TPH1: variants seen among roughly 807,000 people sequenced by gnomAD.
The protein encoded by TPH1 is tryptophan hydroxylase 1.
TPH1 carries 37 observed loss-of-function variants against 49.5 expected under a neutral mutation model. The observed-to-expected ratio is 0.75, with a 90% CI of 0.58 to 0.98. The LOEUF is 0.98. Ranked by LOEUF, TPH1 falls within the 50% of genes least tolerant of loss-of-function variation. TPH1 has a pLI of 0.00. For missense variants in TPH1, 487 were observed against 523.6 expected (o/e 0.93, Z 0.68); for synonymous variants, 160 against 182.1 (o/e 0.88, Z 0.98).
rs1848093718 is a variant in TPH1 at position 18,040,874 on chromosome 11, T to C, written c.-26-86A>G. Reference sequence around the variant, plus strand: ...TGATAACTAAGGGCTCATTTACTTCTAGGAGCTTCAGTTTCTTAACCTTTT... The same window carrying C: ...TGATAACTAAGGGCTCATTTACTTCCAGGAGCTTCAGTTTCTTAACCTTTT... On this transcript the variant is annotated intron_variant, in intron 1 of 10. Coordinates refer to ENST00000682019, the MANE Select transcript of TPH1 (RefSeq NM_004179.3). 1.2e-5 allele frequency: 15 copies of C among 1,283,212 alleles called. No individual in the cohort carries two copies. The Middle Eastern group carries it at 1.6e-3, about 138-fold the overall frequency. The allele number at this position is 1,283,212 out of a possible 1,614,324, so 79.5% of individuals were successfully genotyped here.
intron 1 of TPH1, among the ~76,000 whole-genome samples, 112 bp downstream of exon 1, chr11:18,046,129 A>T (rs1388517736): frequency 2.0e-5 from 3 of 152,182 alleles, no homozygotes; most frequent in African/African-American, 7.2e-5. Flanking sequence ...ACTCCGCAAG[A>T]CCACCAATTT....
At chr11:18,039,948 T>G (rs976649596) in intron 2 of TPH1, among the ~76,000 whole-genome samples, 9 of 151,994 alleles carry the variant, frequency 5.9e-5, no homozygotes, top group African/African-American at 2.2e-4. Context: ...CAAAGGTGCA[T>G]TGGAGGGTAA....
intron 10 of TPH1, 65 bp from the exon 11 acceptor site, chr11:18,021,230 C>T (rs1289288576): frequency 2.0e-6 from 3 of 1,501,290 alleles, no homozygotes; most frequent in Non-Finnish European, 2.8e-6. Flanking sequence ...ACTAAACAAA[C>T]AACAGAATAT....
intron 8 of TPH1, 144 bp downstream of exon 8, chr11:18,025,431 A>C: frequency 2.1e-6 from 2 of 972,412 alleles, no homozygotes; most frequent in East Asian, 4.9e-5. Flanking sequence ...CCCAGGCTGG[A>C]GTGCAGTGGC....
intron 1 of TPH1, among the ~76,000 whole-genome samples, chr11:18,045,231 G>C (rs1423884546): frequency 6.6e-6 from 1 of 152,206 alleles, no homozygotes; most frequent in East Asian, 1.9e-4. Flanking sequence ...CCTCTACGGA[G>C]TCTTGATTTT....
intron 1 of TPH1, among the ~76,000 whole-genome samples, chr11:18,043,687 GAAC>G (rs1218749118): frequency 2.6e-5 from 4 of 151,998 alleles, no homozygotes; most frequent in South Asian, 2.1e-4. Flanking sequence ...GATGCTGTAT[GAAC>G]AACAACAACA....
chr11:18,037,266 G>T (rs1277314866), intron 2 of TPH1, among the ~76,000 whole-genome samples: 1 of 152,012 alleles, frequency 6.6e-6, no homozygotes, highest in African/African-American at 2.4e-5. Context: ...ACTGAGGTGG[G>T]AGGGTCACTT....
intron 6 of TPH1, among the ~76,000 whole-genome samples, chr11:18,028,747 C>T (rs2134028248): frequency 6.6e-6 from 1 of 152,252 alleles, no homozygotes; most frequent in East Asian, 1.9e-4. Context: ...CCTCCCATAT[C>T]ACTACGCTTT....
rs367930520 is a variant in TPH1, at chr11:18,030,675, C to T, written c.403-1096G>A. ...AAATGTCTCATCATATTGTACAGAA[C>T]GGCATGCACACTTAAGACGATTGTG... is the stretch of plus-strand genomic sequence containing the variant. On this transcript the variant is annotated intron_variant, in intron 4 of 10. Coordinates refer to ENST00000682019, the MANE Select transcript of TPH1 (RefSeq NM_004179.3). Among the ~76,000 whole-genome samples, 7 of 152,178 alleles carry T rather than the reference C, an allele frequency of 4.6e-5. No individual in the cohort carries two copies. The East Asian group carries it at 7.7e-4, about 17-fold the overall frequency.
At position 18,020,939 on chromosome 11, in the gene TPH1, T is replaced by C. The variant is rs747411303; in HGVS notation, c.*52A>G. The C allele has an allele frequency of 5.7e-6, 9 of 1,579,102 alleles. No individual in the cohort carries two copies. The highest frequency in any genetic ancestry group is 7.8e-6 in the Non-Finnish European group (9 of 1,148,494). On this transcript the variant is annotated 3_prime_UTR_variant, in exon 11 of 11. Transcript: ENST00000682019. Reference sequence around the variant, plus strand: ...TCAGGTGTTCAAGGAAAGCAAGAGATGGCCCAGACCTCCGAATTGATGCTC... The same window carrying C: ...TCAGGTGTTCAAGGAAAGCAAGAGACGGCCCAGACCTCCGAATTGATGCTC...
chr11:18,036,020 C>A lies in TPH1; in HGVS notation c.240G>T (p.Leu80=). ...CAGAGAGAACATTGGTATGAGACTT[C>A]AGCAGATGAAAAATATCATTCAATT... ...REQLNDIFHL[L]KSHTNVLSVN... The change falls in exon 3 of 11, where the codon CTG becomes CTT. Residue 80 remains leucine, a synonymous_variant. Coordinates refer to ENST00000682019, the MANE Select transcript of TPH1 (RefSeq NM_004179.3). The A allele has an allele frequency of 1.2e-6, 2 of 1,612,754 alleles. No individual in the cohort carries two copies. The highest frequency in any genetic ancestry group is 8.5e-7 in the Non-Finnish European group (1 of 1,179,848).
At chr11:18,029,033 T>G (rs1480159476) in intron 6 of TPH1, 132 bp downstream of exon 6, 9 of 635,720 alleles carry the variant, frequency 1.4e-5, no homozygotes, top group Non-Finnish European at 2.3e-5. Context: ...TGAGCCAAGA[T>G]GGCATCACTG....
rs914470440 is a variant in TPH1, at chr11:18,020,893, G to A, written c.*98C>T. The A allele has an allele frequency of 2.9e-5, 33 of 1,156,316 alleles. No individual in the cohort carries two copies. The highest frequency in any genetic ancestry group is 4.5e-5 in the African/African-American group (3 of 66,058). The allele number at this position is 1,156,316 out of a possible 1,614,324, so 71.6% of individuals were successfully genotyped here. A position where few individuals can be genotyped will look rare whatever the true frequency, so the allele number is the denominator to read the frequency against. On this transcript the variant is annotated 3_prime_UTR_variant, in exon 11 of 11. Transcript: ENST00000682019. The stretch of plus-strand genomic sequence containing the variant: ...GGAATTCGATAATATTGTTTGGCCA[G>A]AAGATGCTGTCCCTCCAGGATCAGG...
In TPH1 at chr11:18,036,008, G is replaced by C; in HGVS notation, c.252C>G (p.Thr84=). 6.2e-7 allele frequency: 1 copy of C among 1,612,468 alleles called. No individual in the cohort carries two copies. Among genetic ancestry groups the C allele is most frequent in the Non-Finnish European group, 8.5e-7 (1 of 1,179,806 alleles). ...NDIFHLLKSH[T]NVLSVNLPDN... ...CTGGTAGATTCACAGAGAGAACATT[G>C]GTATGAGACTTCAGCAGATGAAAAA... Residue 84 remains threonine (T), a synonymous_variant, in exon 3 of 11, where the codon ACC becomes ACG. Transcript: ENST00000682019.
chr11:18,023,122 T>C (rs1854382521), intron 9 of TPH1, 191 bp from the exon 10 acceptor site: 2 of 584,140 alleles, frequency 3.4e-6, no homozygotes, highest in Non-Finnish European at 6.1e-6. Context: ...CCCTTCCCTG[T>C]AAATACCCCC....
chr11:18,020,225 T>C lies in TPH1; in HGVS notation c.*766A>G, dbSNP rs1320866454. ...GATAGATAGTCCAGAATAAAACCAG[T>C]ATCGTGTGATGTCATTGAAAGAAAA... On this transcript the variant is annotated 3_prime_UTR_variant, in exon 11 of 11. Transcript: ENST00000682019. 2 of 154,082 alleles carry C rather than the reference T, an allele frequency of 1.3e-5. No homozygotes were observed. The highest frequency in any genetic ancestry group is 2.9e-5 in the Non-Finnish European group (2 of 69,372). 9.5% of individuals were successfully genotyped at this position (154,082 alleles called of 1,614,324 possible). A position where few individuals can be genotyped will look rare whatever the true frequency, so the allele number is the denominator to read the frequency against.
At position 18,033,356 on chromosome 11, in the gene TPH1, C is replaced by A. The variant is rs1848010932; in HGVS notation, c.320G>T (p.Trp107Leu). Residue 107 changes from tryptophan to leucine, a missense_variant, in exon 4 of 11, where the codon TGG becomes TTG. Physicochemically the swap from Trp to Leu is moderately conservative, Grantham distance 61. Transcript: ENST00000682019. ...CAGGTCAGAAATCTTCTTTGGAAAC[C>A]AAGGAACAGTTTCCATACCTGTAAA... ...LKEDGMETVP[W>L]FPKKISDLDH... 6.2e-7 allele frequency: 1 copy of A among 1,613,014 alleles called. No individual in the cohort carries two copies. Among genetic ancestry groups the A allele is most frequent in the Non-Finnish European group, 8.5e-7 (1 of 1,179,136 alleles).
intron 1 of TPH1, among the ~76,000 whole-genome samples, chr11:18,045,682 A>G (rs747131463): frequency 1.3e-5 from 2 of 152,196 alleles, no homozygotes; most frequent in Non-Finnish European, 2.9e-5. Context: ...CTCTTTGTCA[A>G]TTGCGACCTT....
In TPH1 at chr11:18,036,093, C is replaced by T. The variant is rs1446229137; in HGVS notation, c.167G>A (p.Arg56Lys). The T allele has an allele frequency of 6.2e-7, 1 of 1,613,250 alleles. No individual in the cohort carries two copies. Among genetic ancestry groups the T allele is most frequent in the Non-Finnish European group, 8.5e-7 (1 of 1,179,854 alleles). The stretch of plus-strand genomic sequence containing the variant: ...AACAAAAATCTCAAATTCTGAGTTT[C>T]TTCTTTTTGATTTTCGGGACTCGAT... The part of the protein sequence containing the change: ...LHIESRKSKR[R>K]NSEFEIFVDC... Residue 56 changes from arginine to lysine, a missense_variant, in exon 3 of 11, where the codon AGA (arginine) becomes AAA (lysine). Physicochemically the swap from Arg to Lys is conservative, Grantham distance 26 (BLOSUM62 2). Transcript: ENST00000682019.
Sources: gnomAD v4.1 joint callset for allele counts (sites outside exome capture counted in the v4.1 genomes callset) on GRCh38, gnomAD v4.1.1 for gene constraint, MANE v1.5 for transcripts, NCBI Gene and HGNC (gene_info 2026-07-23, HGNC 2026-07-21) for gene names.